The following INSYN2A variants were observed in gnomAD, a reference collection of about 807,000 sequenced individuals.
The protein encoded by INSYN2A is family with sequence similarity 196 member A.
In INSYN2A, 17 loss-of-function variants were observed where a neutral mutation model predicts 39.4. That is an observed-to-expected ratio of 0.43 (90% CI 0.30 to 0.65). The LOEUF (loss-of-function observed/expected upper bound fraction) is 0.65, where lower values mean the gene tolerates loss of function less well. Ranked by LOEUF, INSYN2A falls within the 30% of genes least tolerant of loss-of-function variation. The pLI is 0.14. For missense variants in INSYN2A, 595 were observed against 631.2 expected, an observed-to-expected ratio of 0.94 and a Z score of 0.61; for synonymous variants, 255 against 265.7, an observed-to-expected ratio of 0.96 and a Z score of 0.39.
intron 4 of INSYN2A, among the ~76,000 whole-genome samples, chr10:127,163,799 CTTTTT>C (rs531750560): frequency 7.0e-5 from 9 of 129,180 alleles, no homozygotes; most frequent in Non-Finnish European, 1.0e-4. Flanking sequence ...TAAAGCCTTC[CTTTTT>C]TTTTTTTTTT....
intron 4 of INSYN2A, among the ~76,000 whole-genome samples, chr10:127,157,953 T>C (rs902374497): frequency 1.1e-4 from 16 of 152,246 alleles, no homozygotes; most frequent in Admixed American, 8.5e-4. Context: ...GCTAAAATTT[T>C]ATTAAGCACG....
rs2055088812 is a variant in INSYN2A at position 127,175,977 on chromosome 10, T to C, written c.419A>G (p.Asn140Ser). The stretch of plus-strand genomic sequence containing the variant: ...TTTCGCATCTGTTAGAAACCCATTG[T>C]TTTGGCTTTTAAAGGGATCTGCAGC... Reference protein sequence around the residue: ...LPAADPFKSQNNGFLTDAKEK... With the variant: ...LPAADPFKSQSNGFLTDAKEK... Residue 140 changes from asparagine to serine, a missense_variant, in exon 4 of 6, where the codon AAC (asparagine) becomes AGC (serine). Asn to Ser is a conservative substitution (Grantham distance 46). This residue lies in a region of INSYN2A where 478 missense variants were observed against 467.4 expected (regional missense o/e 1.02). Coordinates refer to ENST00000522781, the MANE Select transcript of INSYN2A (RefSeq NM_001039762.3). This position sits in a 1 kb window ranked among gnomAD's most constrained non-coding sequence, Gnocchi z 6.3. The C allele has an allele frequency of 1.2e-6, 2 of 1,614,024 alleles. No homozygotes were observed.
chr10:127,190,725 C>T (rs2056690013), intron 2 of INSYN2A, among the ~76,000 whole-genome samples: 1 of 134,766 alleles, frequency 7.4e-6, no homozygotes, highest in South Asian at 2.6e-4. Context: ...TTAAAATCCC[C>T]CACCGCCTTG....
At chr10:127,146,577 T>G (rs560793974) in intron 5 of INSYN2A, among the ~76,000 whole-genome samples, 1 of 152,226 alleles carries the variant, frequency 6.6e-6, no homozygotes, top group East Asian at 1.9e-4. Context: ...ATTGTGTATG[T>G]AAGGTGTTAT....
chr10:127,138,047 T>G (rs188665646), intron 5 of INSYN2A, 27 bp from the exon 6 acceptor site: 5 of 1,573,004 alleles, frequency 3.2e-6, no homozygotes, highest in Non-Finnish European at 4.3e-6. Context: ...GTGAAGACTT[T>G]AGCATTTGAT....
chr10:127,171,850 C>T (rs2054602107), intron 4 of INSYN2A, among the ~76,000 whole-genome samples: 2 of 152,068 alleles, frequency 1.3e-5, no homozygotes, highest in African/African-American at 4.8e-5. Context: ...ATTACAGGTG[C>T]CCGCCACCAC....
Position 127,175,721 on chromosome 10 carries a change from G to T in INSYN2A, c.675C>A (p.Leu225=). ...TCCCCCGGTCCTGCTTGGCCCTCCC[G>T]AGCAGCTGGTAATCGGGCTCTTCGG... is the stretch of plus-strand genomic sequence containing the variant. ...PPSEEPDYQL[L]GRAKQDRGRP... The change falls in exon 4 of 6, where the codon CTC becomes CTA. Residue 225 remains leucine, a synonymous_variant. Transcript: ENST00000522781. This position sits in a 1 kb window ranked among gnomAD's most constrained non-coding sequence, Gnocchi z 6.3. 6.2e-7 allele frequency: 1 copy of T among 1,613,958 alleles called. No homozygotes were observed. Among genetic ancestry groups the T allele is most frequent in the Non-Finnish European group, 8.5e-7 (1 of 1,179,992 alleles).
chr10:127,186,520 C>A (rs996025480), intron 2 of INSYN2A, among the ~76,000 whole-genome samples: 3 of 81,742 alleles, frequency 3.7e-5, no homozygotes, highest in Non-Finnish European at 6.5e-5. Context: ...CCCCCGCCCC[C>A]CCCCGATCCA....
At chr10:127,142,546 T>G (rs900739475) in intron 5 of INSYN2A, among the ~76,000 whole-genome samples, 2 of 152,328 alleles carry the variant, frequency 1.3e-5, no homozygotes, top group Non-Finnish European at 1.5e-5. Context: ...CAGGCCAGCC[T>G]TACCTGTGCG....
Position 127,136,065 on chromosome 10 carries a change from G to A in INSYN2A, c.*1772C>T, listed in dbSNP as rs1254581560. On this transcript the variant is annotated 3_prime_UTR_variant, in exon 6 of 6. Coordinates refer to ENST00000522781, the MANE Select transcript of INSYN2A (RefSeq NM_001039762.3). ...CTCAGTTCCTTTTATTGATATTCAG[G>A]GATTCGAACTTCATATAGTGTTTCC... The A allele has an allele frequency of 1.3e-5, 2 of 152,414 alleles. No homozygotes were observed. The allele number at this position is 152,414 out of a possible 1,614,324, so 9.4% of individuals were successfully genotyped here.
At chr10:127,178,741 C>T (rs1482928245) in intron 2 of INSYN2A, among the ~76,000 whole-genome samples, 3 of 152,118 alleles carry the variant, frequency 2.0e-5, no homozygotes, top group Non-Finnish European at 4.4e-5. Flanking sequence ...AAGAAACAGA[C>T]TGGAGATGCA....
intron 4 of INSYN2A, among the ~76,000 whole-genome samples, chr10:127,169,721 C>T (rs1485686633): frequency 6.6e-6 from 1 of 152,196 alleles, no homozygotes; most frequent in Non-Finnish European, 1.5e-5. Context: ...GTTTGCTGAC[C>T]TCTGCCATGT....
intron 2 of INSYN2A, among the ~76,000 whole-genome samples, 179 bp downstream of exon 2, chr10:127,192,426 C>T (rs1429350838): frequency 6.6e-6 from 1 of 152,206 alleles, no homozygotes; most frequent in African/African-American, 2.4e-5. Flanking sequence ...GCTGGGAATA[C>T]ATACTCAGCA....
intron 1 of INSYN2A, among the ~76,000 whole-genome samples, chr10:127,194,916 C>T (rs892669520): frequency 9.8e-5 from 15 of 152,350 alleles, no homozygotes; most frequent in South Asian, 4.1e-4. Context: ...TTCACCGCTG[C>T]TTCTGGCGCA....
Position 127,176,781 on chromosome 10 carries a change from G to A in INSYN2A, c.-6+96C>T, listed in dbSNP as rs945925683. 5.8e-6 allele frequency: 1 copy of A among 172,192 alleles called. No homozygotes were observed. The highest frequency in any genetic ancestry group is 1.2e-5 in the Non-Finnish European group (1 of 81,362). 10.7% of individuals were successfully genotyped at this position (172,192 alleles called of 1,614,324 possible). On this transcript the variant is annotated intron_variant, in intron 3 of 5. Transcript: ENST00000522781. This position sits in a 1 kb window ranked among gnomAD's most constrained non-coding sequence, Gnocchi z 4.4. ...CCTTCTTAGGCAGATGGTTTACCAAGTGCTACTTATTTGGTTTGCGTTTTG... is the reference window on the plus strand; with the variant it reads ...CCTTCTTAGGCAGATGGTTTACCAAATGCTACTTATTTGGTTTGCGTTTTG...
At chr10:127,151,990 G>A (rs1311842896) in intron 5 of INSYN2A, among the ~76,000 whole-genome samples, 3 of 144,976 alleles carry the variant, frequency 2.1e-5, no homozygotes, top group African/African-American at 7.7e-5. Flanking sequence ...AATTATTTCA[G>A]TTAGGTTAAA....
intron 2 of INSYN2A, among the ~76,000 whole-genome samples, chr10:127,178,821 G>A (rs562362888): frequency 1.4e-4 from 22 of 152,308 alleles, no homozygotes; most frequent in African/African-American, 5.3e-4. Context: ...GCCTGCTCAG[G>A]AGAAAGCATC....
chr10:127,195,117 G>T (rs972038271), intron 1 of INSYN2A, among the ~76,000 whole-genome samples: 1 of 152,204 alleles, frequency 6.6e-6, no homozygotes, highest in East Asian at 1.9e-4. Context: ...TTTTTGGGTA[G>T]TAGAATGCTG....
At chr10:127,170,647 T>C (rs1288861119) in intron 4 of INSYN2A, among the ~76,000 whole-genome samples, 1 of 152,212 alleles carries the variant, frequency 6.6e-6, no homozygotes, top group African/African-American at 2.4e-5. Context: ...CTACACCCCA[T>C]TGGTCTGAGG....
Sources: allele counts gnomAD v4.1 joint callset (sites outside exome capture counted in the v4.1 genomes callset), GRCh38; gene constraint gnomAD v4.1.1; regional missense constraint gnomAD v4.1.1; non-coding constraint Gnocchi (gnomAD v3.1); transcripts MANE v1.5; gene names NCBI Gene and HGNC (gene_info 2026-07-23, HGNC 2026-07-21).